ACAD11: variants seen among roughly 807,000 people sequenced by gnomAD.
ACAD11 encodes the protein acyl-CoA dehydrogenase family member 11, also known as acyl-Coenzyme A dehydrogenase family, member 11.
Under a neutral mutation model 102.2 loss-of-function variants are expected in ACAD11, and 83 were observed. The observed-to-expected ratio is 0.81, with a 90% confidence interval of 0.68 to 0.97. The LOEUF (loss-of-function observed/expected upper bound fraction) is 0.97, where lower values mean the gene tolerates loss of function less well. Among genes scored for constraint, ACAD11 ranks in the 50% least tolerant of loss-of-function variants. The probability of loss-of-function intolerance (pLI) is 0.00; values close to 1 mark genes in which losing one functional copy is unlikely to be tolerated. For synonymous variants in ACAD11, 324 were observed against 319.8 expected (o/e 1.01, Z -0.14); for missense variants, 901 against 951.7 (o/e 0.95, Z 0.70).
intron 13 of ACAD11, among the ~76,000 whole-genome samples, chr3:132,599,847 G>A (rs908188685): frequency 6.6e-6 from 1 of 152,016 alleles, no homozygotes; most frequent in Non-Finnish European, 1.5e-5. Flanking sequence ...GTGAAATTTA[G>A]TGCAAATGCT....
intron 5 of ACAD11, among the ~76,000 whole-genome samples, chr3:132,632,222 T>C (rs1370209015): frequency 6.6e-6 from 1 of 152,122 alleles, no homozygotes; most frequent in Non-Finnish European, 1.5e-5. Context: ...TAGCTGGGAC[T>C]ACAGGTGCTC....
chr3:132,640,615 G>A (rs1195039763), intron 4 of ACAD11, among the ~76,000 whole-genome samples: 1 of 151,966 alleles, frequency 6.6e-6, no homozygotes, highest in Admixed American at 6.6e-5. Flanking sequence ...ACCTTTACTT[G>A]GTCTTATCTA....
intron 9 of ACAD11, among the ~76,000 whole-genome samples, chr3:132,620,886 A>C (rs995008993): frequency 2.6e-5 from 4 of 152,082 alleles, no homozygotes; most frequent in African/African-American, 9.7e-5. Flanking sequence ...ATTCTCACAC[A>C]CTCCAAAATT....
At chr3:132,585,678 A>T (rs1234674323) in intron 13 of ACAD11, among the ~76,000 whole-genome samples, 1 of 152,238 alleles carries the variant, frequency 6.6e-6, no homozygotes, top group East Asian at 1.9e-4. Context: ...AAAGTGGGCA[A>T]AGGATATGAA....
intron 13 of ACAD11, among the ~76,000 whole-genome samples, chr3:132,600,022 CTATT>C (rs755113190): frequency 8.5e-5 from 13 of 152,132 alleles, no homozygotes; most frequent in South Asian, 4.1e-4. Context: ...GATTATAACA[CTATT>C]TATTCTTTTT....
At chr3:132,627,380 T>C (rs913782807) in intron 8 of ACAD11, among the ~76,000 whole-genome samples, 1 of 152,222 alleles carries the variant, frequency 6.6e-6, no homozygotes, top group Non-Finnish European at 1.5e-5. Flanking sequence ...GGATTTTAGC[T>C]GAACTAAGGA....
chr3:132,561,071 T>C, intron 18 of ACAD11, 30 bp downstream of exon 18: 1 of 1,547,476 alleles, frequency 6.5e-7, no homozygotes, highest in Non-Finnish European at 8.9e-7. Context: ...GCTCAGCAGT[T>C]GGTGGTCTGA....
chr3:132,630,717 T>C (rs528285226), intron 6 of ACAD11, among the ~76,000 whole-genome samples, 159 bp from the exon 7 acceptor site: 60 of 152,302 alleles, frequency 3.9e-4, no homozygotes, highest in Non-Finnish European at 6.5e-4. Flanking sequence ...GATTATTATA[T>C]ACAAAGGATT....
chr3:132,649,114 T>C (rs1408923323), intron 1 of ACAD11, among the ~76,000 whole-genome samples: 1 of 152,238 alleles, frequency 6.6e-6, no homozygotes, highest in African/African-American at 2.4e-5. Flanking sequence ...ACCTCTGCCC[T>C]GGAAAGCCAG....
Position 132,626,789 on chromosome 3 carries a change from C to A in ACAD11, c.1099G>T (p.Asp367Tyr). Residue 367 changes from aspartate to tyrosine, a missense_variant, in exon 9 of 20, where the codon GAT becomes TAT. Coordinates refer to ENST00000264990, the MANE Select transcript of ACAD11 (RefSeq NM_032169.5). Reference sequence around the variant, plus strand: ...TGTACAAACAACTGTCCAGTAGTATCAATCTGTGGTAGTACAGTACTGAAA... The same window carrying A: ...TGTACAAACAACTGTCCAGTAGTATAAATCTGTGGTAGTACAGTACTGAAA... Reference protein sequence around the residue: ...RTFSTVLPQIDTTGQLFVQTR... With the variant: ...RTFSTVLPQIYTTGQLFVQTR... 1 of 1,613,558 alleles carries A rather than the reference C, an allele frequency of 6.2e-7. No homozygotes were observed. Among genetic ancestry groups the A allele is most frequent in the Non-Finnish European group, 8.5e-7 (1 of 1,179,882 alleles).
intron 5 of ACAD11, among the ~76,000 whole-genome samples, chr3:132,634,351 G>A (rs863702): frequency 1.1e-4 from 17 of 151,886 alleles, no homozygotes; most frequent in South Asian, 2.1e-4. Flanking sequence ...CAAAACCACA[G>A]TGAGATACCA....
chr3:132,594,984 T>C (rs1938238914), intron 13 of ACAD11, among the ~76,000 whole-genome samples: 1 of 152,152 alleles, frequency 6.6e-6, no homozygotes, highest in African/African-American at 2.4e-5. Flanking sequence ...CAAACAAAAG[T>C]CCCTGTTCTG....
intron 13 of ACAD11, among the ~76,000 whole-genome samples, chr3:132,587,934 T>C (rs754310904): frequency 1.4e-4 from 21 of 152,180 alleles, no homozygotes; most frequent in Admixed American, 3.9e-4. Flanking sequence ...AGCTCCCCTT[T>C]TCTGGCTTTT....
At chr3:132,614,478 T>C (rs534883347) in intron 11 of ACAD11, among the ~76,000 whole-genome samples, 48 of 152,204 alleles carry the variant, frequency 3.2e-4, no homozygotes, top group African/African-American at 1.1e-3. Flanking sequence ...GAAATAGATA[T>C]ATAGACCAAT....
intron 13 of ACAD11, among the ~76,000 whole-genome samples, chr3:132,584,735 C>A (rs1224190035): frequency 1.3e-5 from 2 of 151,930 alleles, no homozygotes; most frequent in Non-Finnish European, 2.9e-5. Flanking sequence ...GAGTGAACTC[C>A]CATTCACAAT....
rs545512959 is a variant in ACAD11 at position 132,614,648 on chromosome 3, T to C, written c.1414+3986A>G. 3.3e-5 allele frequency among the ~76,000 whole-genome samples: 5 copies of C among 152,330 alleles called. No individual in the cohort carries two copies. In the East Asian group the frequency reaches 9.6e-4, roughly 29 times the overall value. On this transcript the variant is annotated intron_variant, in intron 11 of 19. Transcript: ENST00000264990. ...TGCAGAAAGCTGAAACTGGATGCCT[T>C]CTTTACACCTTATGCAAAAATTAAC...
intron 11 of ACAD11, among the ~76,000 whole-genome samples, chr3:132,607,492 A>C (rs967281450): frequency 5.9e-5 from 9 of 152,222 alleles, no homozygotes; most frequent in African/African-American, 1.9e-4. Flanking sequence ...AAGTATCAAT[A>C]GCTGAATCAA....
Position 132,642,043 on chromosome 3 carries a change from A to G in ACAD11, c.466T>C (p.Leu156=), listed in dbSNP as rs1940546131. 2 of 1,614,102 alleles carry G rather than the reference A, an allele frequency of 1.2e-6. No individual in the cohort carries two copies. Among genetic ancestry groups the G allele is most frequent in the South Asian group, 1.1e-5 (1 of 91,078 alleles). ...YVATVETLAQ[L]HSLNIQSLQL... ...AGTGACTGTATATTCAAGGAATGTA[A>G]CTGAGCCAATGTTTCTACCGTGGCC... Residue 156 remains leucine, a synonymous_variant, in exon 4 of 20, where the codon TTA becomes CTA. Coordinates refer to ENST00000264990, the MANE Select transcript of ACAD11 (RefSeq NM_032169.5).
intron 13 of ACAD11, among the ~76,000 whole-genome samples, chr3:132,584,634 G>A (rs1221708159): frequency 6.6e-6 from 1 of 152,170 alleles, no homozygotes; most frequent in Non-Finnish European, 1.5e-5. Context: ...CTCATTGGTT[G>A]ATGCAGTTTC....
Sources: allele counts gnomAD v4.1 joint callset (sites outside exome capture counted in the v4.1 genomes callset), GRCh38; gene constraint gnomAD v4.1.1; transcripts MANE v1.5; gene names NCBI Gene and HGNC (gene_info 2026-07-23, HGNC 2026-07-21).